The following SMYD4 variants were observed in gnomAD, a reference collection of about 807,000 sequenced individuals.
SMYD4 encodes SET and MYND domain containing 4, also known as protein-lysine N-methyltransferase SMYD4.
A neutral mutation model predicts 72.8 loss-of-function variants in SMYD4; 68 were observed. That is an observed-to-expected ratio of 0.93 (90% CI 0.77 to 1.14). The LOEUF is 1.14. Among genes scored for constraint, SMYD4 ranks in the 50% most tolerant of loss-of-function variants. SMYD4 has a pLI of 0.00. For missense variants in SMYD4, 984 were observed against 1,003.7 expected, an observed-to-expected ratio of 0.98 and a Z score of 0.27; for synonymous variants, 407 against 388.6, an observed-to-expected ratio of 1.05 and a Z score of -0.56.
rs1436842964 is a variant in SMYD4 at position 1,784,243 on chromosome 17, ACTGAGTATCC to A, written c.2020+73_2020+82del. 3.1e-6 allele frequency: 5 copies of A among 1,588,670 alleles called. No homozygotes were observed. The Admixed American group carries it at 8.5e-5, about 27-fold the overall frequency. ...AATTACATCCAATTCTCCCATCAGT[ACTGAGTATCC>A]CTGAGTCCAAAACGGTATCAGAACA... On this transcript the variant is annotated intron_variant, in intron 8 of 10. Coordinates refer to ENST00000305513, the MANE Select transcript of SMYD4 (RefSeq NM_052928.3).
chr17:1,826,214 C>T (rs931358614), intron 2 of SMYD4, among the ~76,000 whole-genome samples: 1 of 152,068 alleles, frequency 6.6e-6, no homozygotes, highest in African/African-American at 2.4e-5. Context: ...ACTGGGGGGC[C>T]GGGCGCAGTG....
rs562972793 is a variant in SMYD4 at position 1,788,563 on chromosome 17, G to A, written c.1538-959C>T. ...GATCGAGACCATCCTGACTAACACGGTGAAATCCCGTCTCTACTAAAAACA... is the reference window on the plus strand; with the variant it reads ...GATCGAGACCATCCTGACTAACACGATGAAATCCCGTCTCTACTAAAAACA... On this transcript the variant is annotated intron_variant, in intron 5 of 10. Transcript: ENST00000305513. 1.4e-4 allele frequency among the ~76,000 whole-genome samples: 21 copies of A among 151,502 alleles called. 1 individual carries two copies. The South Asian group carries it at 4.0e-3, about 29-fold the overall frequency.
intron 2 of SMYD4, among the ~76,000 whole-genome samples, chr17:1,816,815 T>C (rs1910624741): frequency 6.6e-6 from 1 of 151,906 alleles, no homozygotes; most frequent in Non-Finnish European, 1.5e-5. Flanking sequence ...TCTCTGATTA[T>C]GAATGATGTT....
intron 4 of SMYD4, among the ~76,000 whole-genome samples, chr17:1,801,587 T>C (rs1597381250): frequency 9.5e-6 from 1 of 105,188 alleles, no homozygotes; most frequent in Non-Finnish European, 1.9e-5. Context: ...GTCTTATGAA[T>C]AGAAGAATTA....
intron 3 of SMYD4, among the ~76,000 whole-genome samples, chr17:1,807,746 C>T (rs6416881): frequency 0.36 from 54,605 of 151,920 alleles, 11,237 homozygotes; most frequent in African/African-American, 0.57. Context: ...GAACAATATG[C>T]GCAGAATGTT....
In SMYD4 at chr17:1,819,358, GAACA is replaced by G. The variant is rs776436318; in HGVS notation, c.135-7247_135-7244del. 7.0e-4 allele frequency among the ~76,000 whole-genome samples: 106 copies of G among 152,022 alleles called. 2 individuals are homozygous for G. The highest frequency in any genetic ancestry group is 1.3e-3 in the Non-Finnish European group (91 of 67,990). On this transcript the variant is annotated intron_variant, in intron 2 of 10. Coordinates refer to ENST00000305513, the MANE Select transcript of SMYD4 (RefSeq NM_052928.3). The stretch of plus-strand genomic sequence containing the variant: ...GGAGACAGAGAGAGACTACGTCTCA[GAACA>G]AACAAACAAACAAAATGACTACATA...
intron 3 of SMYD4, among the ~76,000 whole-genome samples, chr17:1,805,564 C>T (rs1470543061): frequency 1.3e-5 from 2 of 152,154 alleles, no homozygotes; most frequent in African/African-American, 4.8e-5. Context: ...GTAATCCCAG[C>T]ACTTTGGGAG....
At chr17:1,784,870 C>T (rs893686643) in intron 7 of SMYD4, among the ~76,000 whole-genome samples, 5 of 151,814 alleles carry the variant, frequency 3.3e-5, no homozygotes, top group African/African-American at 1.2e-4. Flanking sequence ...CCCGGGTTCA[C>T]GCCATTCTCC....
intron 2 of SMYD4, among the ~76,000 whole-genome samples, chr17:1,823,567 C>T (rs957116764): frequency 7.2e-5 from 11 of 152,120 alleles, no homozygotes; most frequent in African/African-American, 2.4e-4. Context: ...TACTGAGACT[C>T]CCCTGCTTTC....
intron 2 of SMYD4, among the ~76,000 whole-genome samples, chr17:1,818,704 G>C (rs1449195533): frequency 6.6e-6 from 1 of 151,632 alleles, no homozygotes; most frequent in East Asian, 1.9e-4. Flanking sequence ...CCATTGCTCA[G>C]GCTGGAGTGC....
At chr17:1,812,918 A>G (rs1032717838) in intron 2 of SMYD4, among the ~76,000 whole-genome samples, 5 of 148,792 alleles carry the variant, frequency 3.4e-5, no homozygotes, top group South Asian at 2.1e-4. Context: ...CCAACGAACC[A>G]TCCCTCGGAT....
At chr17:1,790,119 AT>A (rs1188317228) in intron 5 of SMYD4, among the ~76,000 whole-genome samples, 1 of 152,216 alleles carries the variant, frequency 6.6e-6, no homozygotes, top group Non-Finnish European at 1.5e-5. Context: ...CAGCCTCTGC[AT>A]AATTAAAAGT....
At chr17:1,809,974 T>G (rs1910247527) in intron 3 of SMYD4, among the ~76,000 whole-genome samples, 1 of 152,156 alleles carries the variant, frequency 6.6e-6, no homozygotes, top group Non-Finnish European at 1.5e-5. Flanking sequence ...TTATACGTTA[T>G]TTTACAGATG....
At chr17:1,826,674 C>T (rs1343587425) in intron 2 of SMYD4, among the ~76,000 whole-genome samples, 1 of 152,090 alleles carries the variant, frequency 6.6e-6, no homozygotes. Context: ...AAGACATCAA[C>T]CTTGAACGTG....
intron 3 of SMYD4, among the ~76,000 whole-genome samples, chr17:1,808,743 T>C (rs1910173112): frequency 1.3e-5 from 2 of 152,216 alleles, no homozygotes; most frequent in African/African-American, 4.8e-5. Flanking sequence ...ACTTCCCATG[T>C]GATCACATTT....
At chr17:1,811,826 C>G (rs1910341964) in intron 3 of SMYD4, 145 bp downstream of exon 3, 1 of 799,104 alleles carries the variant, frequency 1.3e-6, no homozygotes, top group Non-Finnish European at 1.9e-6. Flanking sequence ...ACTCAGGAGA[C>G]TAAGGTGGGA....
intron 5 of SMYD4, among the ~76,000 whole-genome samples, chr17:1,794,025 G>GTGTA (rs1909217185): frequency 1.2e-5 from 1 of 84,802 alleles, no homozygotes; most frequent in African/African-American, 6.0e-5. Context: ...ATATATGTGT[G>GTGTA]TATATATATA....
intron 2 of SMYD4, among the ~76,000 whole-genome samples, chr17:1,818,766 G>A (rs532294631): frequency 5.9e-5 from 9 of 151,604 alleles, no homozygotes; most frequent in East Asian, 5.8e-4. Flanking sequence ...TCAGCCTCCC[G>A]AGTAGCTGGG....
chr17:1,792,189 C>A (rs1485775710), intron 5 of SMYD4, among the ~76,000 whole-genome samples: 1 of 151,858 alleles, frequency 6.6e-6, no homozygotes, highest in Non-Finnish European at 1.5e-5. Flanking sequence ...ACTACAGGCG[C>A]CCGCAACCAC....
Sources: gnomAD v4.1 joint callset for allele counts (sites outside exome capture counted in the v4.1 genomes callset) on GRCh38, gnomAD v4.1.1 for gene constraint, MANE v1.5 for transcripts, NCBI Gene and HGNC (gene_info 2026-07-23, HGNC 2026-07-21) for gene names.